SASH1: variants seen among roughly 807,000 people sequenced by gnomAD.
SASH1 encodes SAM and SH3 domain-containing protein 1.
A neutral mutation model predicts 125.2 loss-of-function variants in SASH1; 44 were observed. The observed-to-expected ratio is 0.35, with a 90% CI of 0.28 to 0.45. The LOEUF (loss-of-function observed/expected upper bound fraction) is 0.45, where lower values mean the gene tolerates loss of function less well. Among genes scored for constraint, SASH1 ranks in the 20% least tolerant of loss-of-function variants. The pLI, the probability that SASH1 is intolerant of heterozygous loss-of-function variation, is 1.00. For missense variants in SASH1, 1,426 were observed against 1,614.5 expected (o/e 0.88, Z 2.00); for synonymous variants, 639 against 649.1 (o/e 0.98, Z 0.24).
the SASH1 span, among the ~76,000 whole-genome samples, chr6:148,251,433 C>G: frequency 2.5e-3 from 376 of 152,128 alleles, no homozygotes; most frequent in Non-Finnish European, 4.6e-3. Flanking sequence ...GATTCTTGCT[C>G]AATTACTTGC....
intron 1 of SASH1, among the ~76,000 whole-genome samples, chr6:148,370,467 C>T (rs1489584348): frequency 6.6e-6 from 1 of 152,112 alleles, no homozygotes; most frequent in Non-Finnish European, 1.5e-5. Context: ...CTTAACAGTG[C>T]CATCTTGGTT....
rs369165377 is a variant in SASH1, at chr6:148,428,629, C to CAAAAAAA, written c.286-11548_286-11542dup. Among the ~76,000 whole-genome samples, 13 of 81,818 alleles carry CAAAAAAA rather than the reference C, an allele frequency of 1.6e-4. 2 individuals carry two copies. The highest frequency in any genetic ancestry group is 1.6e-4 in the Non-Finnish European group (7 of 43,004). 53.7% of individuals were successfully genotyped at this position (81,818 alleles called of 152,430 possible). A position where few individuals can be genotyped will look rare whatever the true frequency, so the allele number is the denominator to read the frequency against. On this transcript the variant is annotated intron_variant, in intron 2 of 19. Transcript: ENST00000367467. ...GAGCCACAAGAGTGAAACTTTATCTCAAAAAAAAAAAAAGAGAATATAAAC... is the reference window on the plus strand; with the variant it reads ...GAGCCACAAGAGTGAAACTTTATCTCAAAAAAAAAAAAAAAAAAAAGAGAATATAAAC...
the SASH1 span, among the ~76,000 whole-genome samples, chr6:148,246,816 C>T: frequency 1.4e-4 from 22 of 152,286 alleles, no homozygotes; most frequent in African/African-American, 3.6e-4. Flanking sequence ...TAAAAGTTTG[C>T]GTCGCTACGA....
Position 148,446,322 on chromosome 6 carries a change from A to C in SASH1, c.386+5915A>C, listed in dbSNP as rs957114601. 2.0e-5 allele frequency among the ~76,000 whole-genome samples: 3 copies of C among 151,784 alleles called. No homozygotes were observed. The East Asian group carries it at 5.8e-4, about 29-fold the overall frequency. ...ACGGGGTTTCACCGTGTTAGCCAGG[A>C]TGGTCTTGATCTCCTGACCTCATGA... On this transcript the variant is annotated intron_variant, in intron 4 of 19. Transcript: ENST00000367467.
At chr6:148,255,634 T>C in the SASH1 span, among the ~76,000 whole-genome samples, 1 of 152,114 alleles carries the variant, frequency 6.6e-6, no homozygotes, top group Non-Finnish European at 1.5e-5. Flanking sequence ...TGAGGCTTTT[T>C]TTTTATTTGT....
At chr6:148,469,436 A>G (rs969676125) in intron 5 of SASH1, among the ~76,000 whole-genome samples, 12 of 152,212 alleles carry the variant, frequency 7.9e-5, no homozygotes, top group African/African-American at 2.9e-4. Context: ...GCTTATAGTC[A>G]AAGAAATATA....
chr6:148,545,611 A>T (rs1011295468), intron 18 of SASH1, among the ~76,000 whole-genome samples: 68 of 152,362 alleles, frequency 4.5e-4, no homozygotes, highest in African/African-American at 1.6e-3. Context: ...TTGCAAAATG[A>T]TCTGATTGAG....
chr6:148,426,958 AC>A (rs1183649466), intron 2 of SASH1, among the ~76,000 whole-genome samples: 2 of 152,036 alleles, frequency 1.3e-5, no homozygotes, highest in African/African-American at 4.8e-5. Flanking sequence ...GCATGGCAAA[AC>A]CCCATCTCTA....
At chr6:148,224,649 C>A in the SASH1 span, among the ~76,000 whole-genome samples, 12 of 152,174 alleles carry the variant, frequency 7.9e-5, no homozygotes, top group Non-Finnish European at 1.5e-4. Flanking sequence ...AAGTGAGCCA[C>A]TGCACCCGGC....
intron 1 of SASH1, among the ~76,000 whole-genome samples, chr6:148,358,060 C>CAAA (rs34729070): frequency 6.1e-5 from 4 of 65,604 alleles, no homozygotes; most frequent in South Asian, 6.3e-4. Context: ...AACTCCGTCT[C>CAAA]AAAAAAAAAA....
At chr6:148,534,927 T>C in intron 16 of SASH1, 26 bp downstream of exon 16, 2 of 1,612,354 alleles carry the variant, frequency 1.2e-6, no homozygotes, top group Non-Finnish European at 1.7e-6. Flanking sequence ...CACAGAGGTG[T>C]TCCCTGTGAG....
chr6:148,482,936 G>A (rs1436208727), intron 7 of SASH1, among the ~76,000 whole-genome samples: 2 of 151,998 alleles, frequency 1.3e-5, no homozygotes, highest in African/African-American at 4.8e-5. Context: ...TGATCCACCT[G>A]CCTCAGCCTC....
chr6:148,332,233 AAT>A (rs1244423716), intron 1 of SASH1, among the ~76,000 whole-genome samples: 1 of 152,128 alleles, frequency 6.6e-6, no homozygotes, highest in Non-Finnish European at 1.5e-5. Flanking sequence ...TGATGGGGAA[AAT>A]GTTTTAACCT....
chr6:148,362,059 G>A (rs187681968), intron 1 of SASH1, among the ~76,000 whole-genome samples: 8 of 145,012 alleles, frequency 5.5e-5, no homozygotes, highest in Admixed American at 1.4e-4. Context: ...GACTACAGAC[G>A]CCCACAACCA....
chr6:148,514,395 C>T lies in SASH1; in HGVS notation c.801C>T (p.Ser267=). 6.3e-7 allele frequency: 1 copy of T among 1,594,534 alleles called. No homozygotes were observed. The highest frequency in any genetic ancestry group is 8.5e-7 in the Non-Finnish European group (1 of 1,170,348). ...AGAGGTTACACAAGCTGGTAAACTC[C>T]ACTCGCAGAGTCAGAAAGAAACTAA... ...KFKRLHKLVN[S]TRRVRKKLIR... is the part of the protein sequence containing the mutation. The change falls in exon 9 of 20, where the codon TCC becomes TCT. Residue 267 remains serine, a synonymous_variant. Coordinates refer to ENST00000367467, the MANE Select transcript of SASH1 (RefSeq NM_015278.5).
At chr6:148,276,156 T>C (rs148652543) in intron 1 of SASH1, among the ~76,000 whole-genome samples, 1 of 152,218 alleles carries the variant, frequency 6.6e-6, no homozygotes, top group Non-Finnish European at 1.5e-5. Flanking sequence ...TCTCTCTCCA[T>C]TTTTGCTTTT....
At chr6:148,255,908 C>T in the SASH1 span, among the ~76,000 whole-genome samples, 1 of 152,164 alleles carries the variant, frequency 6.6e-6, no homozygotes, top group Non-Finnish European at 1.5e-5. Flanking sequence ...TCCCAAAGTG[C>T]TGGGATTACA....
intron 12 of SASH1, 99 bp from the exon 13 acceptor site, chr6:148,531,427 T>G: frequency 9.6e-7 from 1 of 1,044,002 alleles, no homozygotes; most frequent in Middle Eastern, 2.2e-4. Flanking sequence ...AGGTATAGAT[T>G]GATTTGATTG....
At chr6:148,530,016 A>G (rs1203790565) in intron 12 of SASH1, among the ~76,000 whole-genome samples, 1 of 152,162 alleles carries the variant, frequency 6.6e-6, no homozygotes, top group African/African-American at 2.4e-5. Context: ...TACGTTGGCC[A>G]GGCTGGTCTC....
Sources: allele counts gnomAD v4.1 joint callset (sites outside exome capture counted in the v4.1 genomes callset), GRCh38; gene constraint gnomAD v4.1.1; transcripts MANE v1.5; gene names NCBI Gene and HGNC (gene_info 2026-07-23, HGNC 2026-07-21).